KDM4B: variants seen among roughly 807,000 people sequenced by gnomAD.
KDM4B encodes the protein lysine demethylase 4B.
In KDM4B, 32 loss-of-function variants were observed where a neutral mutation model predicts 125.2. The ratio of observed to expected loss-of-function variants is 0.26; its 90% CI spans 0.19 to 0.34. The LOEUF is 0.34. KDM4B is among the 10% of genes least tolerant of loss of function. The pLI is 1.00. For missense variants in KDM4B, 1,190 were observed against 1,577.7 expected, an observed-to-expected ratio of 0.75 and a Z score of 4.16; for synonymous variants, 721 against 677.9, an observed-to-expected ratio of 1.06 and a Z score of -0.99.
chr19:5,133,796 G>A, intron 13 of KDM4B, 87 bp from the exon 14 acceptor site: 9 of 1,419,062 alleles, frequency 6.3e-6, no homozygotes, highest in Non-Finnish European at 7.8e-6. Flanking sequence ...TAGACCCGGG[G>A]CCATCCCCTG....
Position 5,153,041 on chromosome 19 carries a change from G to A in KDM4B, c.*1530G>A, listed in dbSNP as rs528832696. ...AGCCTGGGCAACAGAGCGAGACCCT[G>A]TCTCCAAAAAAAAAAAAAAGCAATG... On this transcript the variant is annotated 3_prime_UTR_variant, in exon 23 of 23. Coordinates refer to ENST00000159111, the MANE Select transcript of KDM4B (RefSeq NM_015015.3). 2 of 149,432 alleles carry A rather than the reference G, an allele frequency of 1.3e-5. No homozygotes were observed. The highest frequency in any genetic ancestry group is 3.9e-4 in the East Asian group (2 of 5,114). 9.3% of individuals were successfully genotyped at this position (149,432 alleles called of 1,614,324 possible). A position where few individuals can be genotyped will look rare whatever the true frequency, so the allele number is the denominator to read the frequency against.
At position 5,132,058 on chromosome 19, in the gene KDM4B, G is replaced by A. The variant is rs767703122; in HGVS notation, c.1906+51G>A. The A allele has an allele frequency of 1.1e-4, 164 of 1,511,360 alleles. 3 individuals carry two copies. In the South Asian group the frequency reaches 2.0e-3, roughly 19 times the overall value. 93.6% of individuals were successfully genotyped at this position (1,511,360 alleles called of 1,614,324 possible). A position where few individuals can be genotyped will look rare whatever the true frequency, so the allele number is the denominator to read the frequency against. On this transcript the variant is annotated intron_variant, in intron 13 of 22. Transcript: ENST00000159111. ...TCTCATCAGCCCTGCTCCGCGCTCT[G>A]CTGCTGCTGGAGGGGGGGCCTGGCT... is the stretch of plus-strand genomic sequence containing the variant.
At chr19:5,064,408 C>A (rs529705260) in intron 6 of KDM4B, among the ~76,000 whole-genome samples, 1 of 151,378 alleles carries the variant, frequency 6.6e-6, no homozygotes, top group South Asian at 2.1e-4. Flanking sequence ...GCTGTGCCGA[C>A]ATCTCTGAAG....
rs920793446 is a variant in KDM4B at position 5,153,218 on chromosome 19, G to C, written c.*1707G>C. The C allele has an allele frequency of 3.3e-5, 5 of 152,236 alleles. No homozygotes were observed. The highest frequency in any genetic ancestry group is 3.8e-4 in the East Asian group (2 of 5,196). The allele number at this position is 152,236 out of a possible 1,614,324, so 9.4% of individuals were successfully genotyped here. On this transcript the variant is annotated 3_prime_UTR_variant, in exon 23 of 23. Coordinates refer to ENST00000159111, the MANE Select transcript of KDM4B (RefSeq NM_015015.3). ...GGGCCGGGGTCGGGGAGGTTGGGGG[G>C]TGTCAGCCAAAACGTGGAGGTGTCC...
At chr19:5,086,192 G>GCCCCCCCCCCC (rs1162682150) in intron 9 of KDM4B, among the ~76,000 whole-genome samples, 1 of 148,758 alleles carries the variant, frequency 6.7e-6, no homozygotes, top group African/African-American at 2.5e-5. Flanking sequence ...AGGGACCCCT[G>GCCCCCCCCCCC]CCCCCCCCCA....
chr19:5,004,090 G>A (rs545370092), intron 1 of KDM4B, among the ~76,000 whole-genome samples: 4 of 152,196 alleles, frequency 2.6e-5, no homozygotes, highest in Non-Finnish European at 5.9e-5. Context: ...AAGTTAATAC[G>A]TGGCAGTAAA....
chr19:5,089,785 A>C (rs2038629466), intron 9 of KDM4B, among the ~76,000 whole-genome samples: 1 of 151,642 alleles, frequency 6.6e-6, no homozygotes, highest in African/African-American at 2.4e-5. Context: ...CGCCATTCCT[A>C]GGTGCTTCTT....
At chr19:5,058,468 C>G (rs186401830) in intron 6 of KDM4B, among the ~76,000 whole-genome samples, 1 of 151,948 alleles carries the variant, frequency 6.6e-6, no homozygotes, top group Non-Finnish European at 1.5e-5. Context: ...GGAGCAGGGG[C>G]GGGAAGGGGG....
rs764760814 is a variant in KDM4B, at chr19:5,131,462, A to G, written c.1702A>G (p.Met568Val). The G allele has an allele frequency of 7.5e-6, 12 of 1,593,944 alleles. No homozygotes were observed. The highest frequency in any genetic ancestry group is 6.0e-6 in the Non-Finnish European group (7 of 1,174,370). ...GPTWKEPVSP[M>V]ELTGPEDGAA... ...GACCTGGAAGGAACCAGTTTCCCCC[A>G]TGGAGCTGACGGGGCCAGAGGACGG... is the stretch of plus-strand genomic sequence containing the variant. The change falls in exon 12 of 23, where the codon ATG becomes GTG. Residue 568 changes from methionine to valine, a missense_variant. Coordinates refer to ENST00000159111, the MANE Select transcript of KDM4B (RefSeq NM_015015.3).
intron 9 of KDM4B, among the ~76,000 whole-genome samples, chr19:5,084,447 T>G (rs1398841293): frequency 1.4e-5 from 2 of 140,244 alleles, no homozygotes; most frequent in South Asian, 4.2e-4. Flanking sequence ...ATTATATATG[T>G]TATAATAATT....
rs1343792924 is a variant in KDM4B, at chr19:5,112,028, G to A, written c.1115+1210G>A. ...CTGCACTTTGGAGGCCAAGGAAGGA[G>A]GATTGCTTGAGTCCAGGGGTTTGAG... On this transcript the variant is annotated intron_variant, in intron 10 of 22. Transcript: ENST00000159111. The A allele has an allele frequency of 1.1e-5, 6 of 560,794 alleles. No individual in the cohort carries two copies. In the East Asian group the frequency reaches 1.5e-4, roughly 14 times the overall value. 34.7% of individuals were successfully genotyped at this position (560,794 alleles called of 1,614,324 possible).
At chr19:5,143,634 T>C (rs899748477) in intron 18 of KDM4B, among the ~76,000 whole-genome samples, 2 of 152,072 alleles carry the variant, frequency 1.3e-5, no homozygotes, top group Non-Finnish European at 2.9e-5. Flanking sequence ...CACGTGGGGC[T>C]CTTCAGTGTC....
chr19:5,057,029 CGTGTGTGTGTGTGTGT>C (rs74170763), intron 6 of KDM4B, among the ~76,000 whole-genome samples: 7 of 144,102 alleles, frequency 4.9e-5, no homozygotes, highest in Admixed American at 1.4e-4. Flanking sequence ...GATATATATG[CGTGTGTGTGTGTGTGT>C]GTGTGTGTGT....
Position 5,041,178 on chromosome 19 carries a change from G to A in KDM4B, c.359G>A (p.Arg120His), listed in dbSNP as rs2145667461. Residue 120 changes from arginine (R) to histidine (H), a missense_variant, in exon 5 of 23, where the codon CGC becomes CAC. Coordinates refer to ENST00000159111, the MANE Select transcript of KDM4B (RefSeq NM_015015.3). The stretch of plus-strand genomic sequence containing the variant: ...CACCAGGACTTTGATGACCTTGAAC[G>A]CAAATACTGGAAGAACCTCACCTTT... ...PRHQDFDDLE[R>H]KYWKNLTFVS... 1 of 1,612,768 alleles carries A rather than the reference G, an allele frequency of 6.2e-7. No individual in the cohort carries two copies. The highest frequency in any genetic ancestry group is 8.5e-7 in the Non-Finnish European group (1 of 1,179,068).
At chr19:5,067,371 C>T (rs1430609548) in intron 6 of KDM4B, among the ~76,000 whole-genome samples, 1 of 152,194 alleles carries the variant, frequency 6.6e-6, no homozygotes, top group Non-Finnish European at 1.5e-5. Context: ...AATCCCTGTG[C>T]GCTGGGCCGC....
At chr19:5,147,215 C>G (rs1158162118) in intron 21 of KDM4B, among the ~76,000 whole-genome samples, 1 of 152,184 alleles carries the variant, frequency 6.6e-6, no homozygotes, top group Non-Finnish European at 1.5e-5. Context: ...TGATAGAAAA[C>G]ACACAAATAG....
chr19:5,022,899 C>G (rs2145570127), intron 2 of KDM4B, among the ~76,000 whole-genome samples: 1 of 152,054 alleles, frequency 6.6e-6, no homozygotes, highest in Non-Finnish European at 1.5e-5. Flanking sequence ...TTTATGGGTA[C>G]AAGGTATGCT....
chr19:5,053,825 C>A (rs1013940600), intron 6 of KDM4B, among the ~76,000 whole-genome samples: 1 of 152,252 alleles, frequency 6.6e-6, no homozygotes, highest in African/African-American at 2.4e-5. Context: ...GCCACTACCC[C>A]CCAGCAGCGC....
In KDM4B at chr19:5,131,536, A is replaced by C; in HGVS notation, c.1776A>C (p.Gly592=). The change falls in exon 12 of 23, where the codon GGA becomes GGC. Residue 592 remains glycine, a synonymous_variant. Transcript: ENST00000159111. ...AGRMETKARA[G]EGQAPSTFSK... ...GCATGGAGACCAAAGCCCGGGCCGG[A>C]GAGGGGCAGGTGGGGTGGAGCGGGG... 2 of 1,057,084 alleles carry C rather than the reference A, an allele frequency of 1.9e-6. No individual in the cohort carries two copies. The highest frequency in any genetic ancestry group is 2.3e-6 in the Non-Finnish European group (2 of 859,368). The allele number at this position is 1,057,084 out of a possible 1,614,324, so 65.5% of individuals were successfully genotyped here. A position where few individuals can be genotyped will look rare whatever the true frequency, so the allele number is the denominator to read the frequency against.
Sources: gnomAD v4.1 joint callset for allele counts (sites outside exome capture counted in the v4.1 genomes callset) on GRCh38, gnomAD v4.1.1 for gene constraint, MANE v1.5 for transcripts, NCBI Gene and HGNC (gene_info 2026-07-23, HGNC 2026-07-21) for gene names.